Variants in UNC93A observed in about 807,000 individuals in gnomAD.
The protein encoded by UNC93A is unc-93 homolog A, also known as N-acetylglucosamine transporter UNC93A.
A neutral mutation model predicts 47.5 loss-of-function variants in UNC93A; 43 were observed. The observed-to-expected ratio is 0.91, with a 90% CI of 0.71 to 1.17. UNC93A has a LOEUF of 1.17. UNC93A is among the 50% of genes most tolerant of loss of function. The pLI is 0.00. For missense variants in UNC93A, 605 were observed against 577.6 expected, an observed-to-expected ratio of 1.05 and a Z score of -0.49; for synonymous variants, 280 against 258.0, an observed-to-expected ratio of 1.09 and a Z score of -0.82.
upstream of UNC93A, among the ~76,000 whole-genome samples, chr6:167,287,378 C>T (rs148501145): frequency 5.7e-3 from 862 of 152,244 alleles, 9 homozygotes; most frequent in African/African-American, 0.02. Context: ...TGTGTACCAC[C>T]CCATACTCCC....
At chr6:167,302,537 C>T (rs1778272137) in intron 4 of UNC93A, among the ~76,000 whole-genome samples, 1 of 152,082 alleles carries the variant, frequency 6.6e-6, no homozygotes, top group South Asian at 2.1e-4. Context: ...ACAGACGGCA[C>T]TTACAATCAT....
At chr6:167,280,252 G>C (rs2346173) in intron 1 of UNC93A, among the ~76,000 whole-genome samples, 1 of 152,162 alleles carries the variant, frequency 6.6e-6, no homozygotes, top group Non-Finnish European at 1.5e-5. Context: ...CAGGCTCCCC[G>C]TGAGCTCAGA....
intron 7 of UNC93A, 142 bp downstream of exon 7, chr6:167,308,052 A>T (rs983999745): frequency 1.0e-5 from 12 of 1,194,294 alleles, no homozygotes; most frequent in Admixed American, 2.8e-5. Flanking sequence ...GAGGGCTTTG[A>T]TGTCGCCTCT....
intron 4 of UNC93A, among the ~76,000 whole-genome samples, chr6:167,299,299 G>C (rs1778177033): frequency 1.3e-5 from 2 of 152,040 alleles, no homozygotes. Context: ...CCTGGCACCT[G>C]TGAGCTCTGG....
chr6:167,298,274 C>T, intron 4 of UNC93A: 1 of 708,362 alleles, frequency 1.4e-6, no homozygotes, highest in Non-Finnish European at 2.1e-6. Flanking sequence ...AACAGAGGAT[C>T]CTGGGGTGAT....
Position 167,304,132 on chromosome 6 carries a change from G to A in UNC93A, c.839G>A (p.Arg280Lys), listed in dbSNP as rs778282214. ...QQGFLSSEYT[R>K]SYVTCTLGIQ... ...GGATTCCTCTCCAGCGAATACACAA[G>A]GGTATGAACGAAAGTGAGGGCCGGT... The change falls in exon 5 of 8, where the codon AGG becomes AAG. Residue 280 changes from arginine (R) to lysine (K), a missense_variant and splice_region_variant. Transcript: ENST00000230256. 10 of 1,614,144 alleles carry A rather than the reference G, an allele frequency of 6.2e-6. No homozygotes were observed. The highest frequency in any genetic ancestry group is 1.7e-5 in the Admixed American group (1 of 60,026).
intron 5 of UNC93A, 114 bp from the exon 6 acceptor site, chr6:167,305,801 C>A: frequency 6.8e-7 from 1 of 1,461,854 alleles, no homozygotes; most frequent in Non-Finnish European, 9.4e-7. Flanking sequence ...GTGTAGGCAA[C>A]ACTGGCCTGC....
chr6:167,281,853 C>A (rs1357867229), intron 1 of UNC93A, among the ~76,000 whole-genome samples: 1 of 152,148 alleles, frequency 6.6e-6, no homozygotes, highest in African/African-American at 2.4e-5. Context: ...GACTCTCAGG[C>A]TCACCCCTTG....
intron 5 of UNC93A, 139 bp from the exon 6 acceptor site, chr6:167,305,776 A>G (rs1042919470): frequency 1.3e-5 from 15 of 1,189,084 alleles, no homozygotes; most frequent in Non-Finnish European, 1.7e-5. Context: ...TGGGAGCCAC[A>G]GAGCCTAGAG....
chr6:167,314,513 G>GTTTAA (rs1778638833), intron 7 of UNC93A, among the ~76,000 whole-genome samples: 1 of 152,180 alleles, frequency 6.6e-6, no homozygotes, highest in Admixed American at 6.5e-5. Context: ...AGCCTGGGTG[G>GTTTAA]AGCCCCAAAA....
intron 7 of UNC93A, among the ~76,000 whole-genome samples, chr6:167,314,460 C>T (rs898776943): frequency 7.9e-5 from 12 of 152,254 alleles, no homozygotes; most frequent in Non-Finnish European, 1.3e-4. Flanking sequence ...CTGCCTACTT[C>T]GCCTCAGGCT....
At chr6:167,308,990 C>T (rs1424825759) in intron 7 of UNC93A, among the ~76,000 whole-genome samples, 3 of 151,864 alleles carry the variant, frequency 2.0e-5, no homozygotes, top group Admixed American at 1.3e-4. Flanking sequence ...GGGAGATGAG[C>T]GGGAGCCAAG....
intron 4 of UNC93A, among the ~76,000 whole-genome samples, chr6:167,301,757 C>T (rs1176037088): frequency 2.0e-5 from 3 of 152,124 alleles, no homozygotes; most frequent in East Asian, 1.9e-4. Context: ...GCCCACAAGA[C>T]GAGATTGTGA....
chr6:167,288,129 T>C (rs1002677383), upstream of UNC93A, among the ~76,000 whole-genome samples: 3 of 152,170 alleles, frequency 2.0e-5, no homozygotes, highest in Non-Finnish European at 4.4e-5. Flanking sequence ...GGTGTGAGGA[T>C]GGGAGTATTT....
upstream of UNC93A, among the ~76,000 whole-genome samples, chr6:167,290,728 C>A (rs1783825135): frequency 6.6e-6 from 1 of 152,148 alleles, no homozygotes. Flanking sequence ...GACAACACTG[C>A]CCCAGACCAA....
intron 1 of UNC93A, among the ~76,000 whole-genome samples, chr6:167,279,986 T>C (rs1303739879): frequency 6.6e-6 from 1 of 152,186 alleles, no homozygotes; most frequent in African/African-American, 2.4e-5. Flanking sequence ...ACTGTGAGAT[T>C]GTGTAATAAG....
At position 167,294,687 on chromosome 6, in the gene UNC93A, C is replaced by T. The variant is rs749230165; in HGVS notation, c.258C>T (p.Phe86=). The T allele has an allele frequency of 2.8e-5, 44 of 1,595,070 alleles. No homozygotes were observed. The highest frequency in any genetic ancestry group is 2.0e-4 in the African/African-American group (15 of 74,640). The change falls in exon 2 of 8, where the codon TTC becomes TTT. Residue 86 remains phenylalanine (F), a synonymous_variant. Transcript: ENST00000230256. ...ACGTGGCCTTCTCCGTGGGCAACTT[C>T]TTCGCCAGCTGGTACGCAGCCACCA... The part of the protein sequence containing the change: ...CGYVAFSVGN[F]FASWYTLIPT...
chr6:167,298,142 G>T, intron 4 of UNC93A, 72 bp downstream of exon 4: 1 of 1,550,584 alleles, frequency 6.4e-7, no homozygotes, highest in Non-Finnish European at 8.7e-7. Flanking sequence ...GGCTGACAAA[G>T]ACTGTCTCTC....
chr6:167,294,556 C>T lies in UNC93A; in HGVS notation c.127C>T (p.Leu43Phe). Residue 43 changes from leucine to phenylalanine, a missense_variant, in exon 2 of 8, where the codon CTC becomes TTC. Physicochemically the swap from Leu to Phe is conservative, Grantham distance 22. Transcript: ENST00000230256. Reference sequence around the variant, plus strand: ...CGAGGAGGGCCTGGGTGTCACAGCGCTCAGCACCCTCTATGGAGGCATGCT... The same window carrying T: ...CGAGGAGGGCCTGGGTGTCACAGCGTTCAGCACCCTCTATGGAGGCATGCT... Reference protein sequence around the residue: ...YSEEGLGVTALSTLYGGMLLS... With the variant: ...YSEEGLGVTAFSTLYGGMLLS... 6.2e-7 allele frequency: 1 copy of T among 1,614,160 alleles called. No individual in the cohort carries two copies. Among genetic ancestry groups the T allele is most frequent in the Non-Finnish European group, 8.5e-7 (1 of 1,180,026 alleles).
Sources: gnomAD v4.1 joint callset for allele counts (sites outside exome capture counted in the v4.1 genomes callset) on GRCh38, gnomAD v4.1.1 for gene constraint, MANE v1.5 for transcripts, NCBI Gene and HGNC (gene_info 2026-07-23, HGNC 2026-07-21) for gene names.